The following SEMA6D variants were observed in gnomAD, a reference collection of about 807,000 sequenced individuals.
The protein encoded by SEMA6D is semaphorin-6D.
Under a neutral mutation model 106.6 loss-of-function variants are expected in SEMA6D, and 35 were observed. That is an observed-to-expected ratio of 0.33 (90% CI 0.25 to 0.44). The LOEUF (loss-of-function observed/expected upper bound fraction) is 0.44. SEMA6D is among the 20% of genes least tolerant of loss of function. SEMA6D has a pLI of 1.00. For missense variants in SEMA6D, 1,185 were observed against 1,345.9 expected, an observed-to-expected ratio of 0.88 and a Z score of 1.87; for synonymous variants, 499 against 487.7, an observed-to-expected ratio of 1.02 and a Z score of -0.31.
chr15:47,530,471 T>C (rs1351523619), intron 3 of SEMA6D, among the ~76,000 whole-genome samples: 1 of 152,230 alleles, frequency 6.6e-6, no homozygotes, highest in Admixed American at 6.5e-5. Flanking sequence ...CATTGTCATA[T>C]AAAATATATA....
intron 1 of SEMA6D, among the ~76,000 whole-genome samples, chr15:47,408,956 G>A (rs562760922): frequency 2.7e-4 from 41 of 152,286 alleles, no homozygotes; most frequent in African/African-American, 8.7e-4. Flanking sequence ...CAAGGACTCC[G>A]TCTGTTTTGT....
intron 4 of SEMA6D, among the ~76,000 whole-genome samples, chr15:47,617,304 G>A (rs1054664933): frequency 1.3e-5 from 2 of 152,184 alleles, no homozygotes; most frequent in Non-Finnish European, 2.9e-5. Context: ...GTTAGTAGTT[G>A]ATAACAGGCC....
intron 4 of SEMA6D, among the ~76,000 whole-genome samples, chr15:47,605,782 C>CT (rs961967950): frequency 6.0e-4 from 92 of 152,310 alleles, no homozygotes; most frequent in African/African-American, 2.1e-3. Flanking sequence ...GGGTTGGAGG[C>CT]TTCCATGCAC....
At chr15:47,671,960 C>T (rs2078146040) in intron 4 of SEMA6D, among the ~76,000 whole-genome samples, 1 of 152,146 alleles carries the variant, frequency 6.6e-6, no homozygotes, top group African/African-American at 2.4e-5. Flanking sequence ...GCCAAATAGT[C>T]TGCTAATAAT....
At chr15:47,216,515 G>A (rs2141293392) in intron 1 of SEMA6D, among the ~76,000 whole-genome samples, 1 of 152,218 alleles carries the variant, frequency 6.6e-6, no homozygotes, top group Non-Finnish European at 1.5e-5. Flanking sequence ...AAGCCAAATT[G>A]TAATCAGAAA....
Position 47,764,223 on chromosome 15 carries a change from G to T in SEMA6D, c.1015G>T (p.Val339Leu). 6.2e-7 allele frequency: 1 copy of T among 1,613,780 alleles called. No homozygotes were observed. The highest frequency in any genetic ancestry group is 8.5e-7 in the Non-Finnish European group (1 of 1,179,772). ...ATTTAGCATGGATGACATTGAAAAA[G>T]TATTCAAAGGACGGTTTAAGGAACA... Reference protein sequence around the residue: ...CAFSMDDIEKVFKGRFKEQKT... With the variant: ...CAFSMDDIEKLFKGRFKEQKT... The change falls in exon 11 of 19, where the codon GTA becomes TTA. Residue 339 changes from valine (V) to leucine (L), a missense_variant. This residue lies in a region of SEMA6D where 291 missense variants were observed against 423.8 expected (regional missense o/e 0.69). Coordinates refer to ENST00000536845, the MANE Select transcript of SEMA6D (RefSeq NM_001358351.3).
chr15:47,516,198 A>T (rs1024752946), intron 3 of SEMA6D, among the ~76,000 whole-genome samples: 1 of 152,162 alleles, frequency 6.6e-6, no homozygotes, highest in South Asian at 2.1e-4. Context: ...TTTTATAGCC[A>T]TGGTGACTTA....
intron 1 of SEMA6D, among the ~76,000 whole-genome samples, chr15:47,289,278 C>T (rs2035498875): frequency 6.6e-6 from 1 of 150,996 alleles, no homozygotes; most frequent in Non-Finnish European, 1.5e-5. Context: ...CCTGTAATCC[C>T]AGCTACTCAG....
chr15:47,418,247 G>A (rs1383539736), intron 2 of SEMA6D, among the ~76,000 whole-genome samples: 2 of 152,092 alleles, frequency 1.3e-5, no homozygotes, highest in Non-Finnish European at 1.5e-5. Flanking sequence ...TCTGAGACAA[G>A]AGAATGGGTA....
chr15:47,552,516 A>G (rs1270886050), intron 3 of SEMA6D, among the ~76,000 whole-genome samples: 1 of 71,170 alleles, frequency 1.4e-5, no homozygotes, highest in African/African-American at 3.5e-5. Context: ...GTGTGTGTAT[A>G]TATATGTATA....
intron 3 of SEMA6D, among the ~76,000 whole-genome samples, chr15:47,554,522 A>T (rs2045860526): frequency 6.6e-6 from 1 of 152,222 alleles, no homozygotes; most frequent in African/African-American, 2.4e-5. Context: ...CCTTCCATAG[A>T]TGGGAAAATG....
chr15:47,517,180 G>GTTGTATTC (rs1253811488), intron 3 of SEMA6D, among the ~76,000 whole-genome samples: 5 of 152,124 alleles, frequency 3.3e-5, no homozygotes, highest in Non-Finnish European at 5.9e-5. Context: ...ATACTTCCCT[G>GTTGTATTC]AGAGGCAGTT....
At chr15:47,249,417 GGT>G (rs1426520934) in intron 1 of SEMA6D, among the ~76,000 whole-genome samples, 1 of 151,482 alleles carries the variant, frequency 6.6e-6, no homozygotes, top group South Asian at 2.1e-4. Context: ...AAAAATGAAT[GGT>G]GGGATAACCT....
intron 3 of SEMA6D, among the ~76,000 whole-genome samples, chr15:47,538,853 T>G (rs1436143521): frequency 6.6e-6 from 1 of 152,146 alleles, no homozygotes; most frequent in Non-Finnish European, 1.5e-5. Flanking sequence ...TTTGGTTATT[T>G]AAAGAGGATA....
chr15:47,474,142 C>A (rs1023779583), intron 3 of SEMA6D, among the ~76,000 whole-genome samples: 2 of 152,186 alleles, frequency 1.3e-5, no homozygotes, highest in Admixed American at 1.3e-4. Context: ...GCCAAGAATT[C>A]TAGCTGAGTT....
At chr15:47,399,983 T>TA (rs1377192500) in intron 1 of SEMA6D, among the ~76,000 whole-genome samples, 3 of 152,168 alleles carry the variant, frequency 2.0e-5, no homozygotes, top group Non-Finnish European at 2.9e-5. Flanking sequence ...TAAGAATAGT[T>TA]AGAGTTTAGG....
At chr15:47,752,181 GA>G (rs1315845950) in intron 1 of SEMA6D, among the ~76,000 whole-genome samples, 2 of 152,184 alleles carry the variant, frequency 1.3e-5, no homozygotes, top group Non-Finnish European at 2.9e-5. Flanking sequence ...TTTATATTCT[GA>G]AAAGATCATT....
Position 47,771,093 on chromosome 15 carries a change from T to C in SEMA6D, c.2530T>C (p.Ser844Pro). Residue 844 changes from serine (S) to proline (P), a missense_variant, in exon 19 of 19, where the codon TCC (serine) becomes CCC (proline). Coordinates refer to ENST00000536845, the MANE Select transcript of SEMA6D (RefSeq NM_001358351.3). ...THDYNTSFSN[S>P]NAHKAEKKLQ... ...TGACTACAACACGTCTTTCTCAAAC[T>C]CCAATGCTCACAAAGCTGAAAAGAA... 6.2e-7 allele frequency: 1 copy of C among 1,614,064 alleles called. No homozygotes were observed. Among genetic ancestry groups the C allele is most frequent in the African/African-American group, 1.3e-5 (1 of 75,032 alleles).
intron 1 of SEMA6D, among the ~76,000 whole-genome samples, chr15:47,348,463 G>T (rs2038133652): frequency 6.6e-6 from 1 of 152,004 alleles, no homozygotes; most frequent in Admixed American, 6.6e-5. Flanking sequence ...TATAGGTTGA[G>T]CATGCCTAAT....
Sources: allele counts gnomAD v4.1 joint callset (sites outside exome capture counted in the v4.1 genomes callset), GRCh38; gene constraint gnomAD v4.1.1; regional missense constraint gnomAD v4.1.1; transcripts MANE v1.5; gene names NCBI Gene and HGNC (gene_info 2026-07-23, HGNC 2026-07-21).